Variants in MYO3A observed in about 807,000 individuals in gnomAD.
The protein encoded by MYO3A is myosin-IIIa.
Under a neutral mutation model 192.7 loss-of-function variants are expected in MYO3A, and 180 were observed. The observed-to-expected ratio is 0.93, with a 90% CI of 0.83 to 1.06. MYO3A has a LOEUF of 1.06. Among genes scored for constraint, MYO3A ranks in the 50% least tolerant of loss-of-function variants. The pLI is 0.00. For synonymous variants in MYO3A, 628 were observed against 645.3 expected, an observed-to-expected ratio of 0.97 and a Z score of 0.41; for missense variants, 1,896 against 1,905.0, an observed-to-expected ratio of 1.00 and a Z score of 0.09.
At chr10:26,157,917 G>A (rs541963130) in intron 26 of MYO3A, among the ~76,000 whole-genome samples, 35 of 152,242 alleles carry the variant, frequency 2.3e-4, no homozygotes, top group African/African-American at 7.7e-4. Context: ...GTGTAGGGGC[G>A]TGGGGGGATG....
chr10:26,200,771 G>T (rs1843642969), intron 32 of MYO3A: 1 of 152,178 alleles, frequency 6.6e-6, no homozygotes, highest in Admixed American at 6.5e-5. Flanking sequence ...TCATAAATGG[G>T]CTCCTATAGG....
rs1216311921 is a variant in MYO3A, at chr10:25,986,613, C to T, written c.304-9877C>T. ...AACTCAAACTCTTTCACAACAGCTG[C>T]AAAAATAAATAAATAAACTATTTAG... On this transcript the variant is annotated intron_variant, in intron 4 of 34. Transcript: ENST00000642920. Among the ~76,000 whole-genome samples the T allele has an allele frequency of 2.6e-5, 4 of 152,014 alleles. No individual in the cohort carries two copies. In the East Asian group the frequency reaches 7.7e-4, roughly 29 times the overall value.
chr10:26,153,845 C>T lies in MYO3A; in HGVS notation c.2636-5C>T. The T allele has an allele frequency of 2.0e-6, 3 of 1,533,976 alleles. No homozygotes were observed. In the South Asian group the frequency reaches 3.4e-5, roughly 17 times the overall value. On this transcript the variant is annotated splice_region_variant and splice_polypyrimidine_tract_variant and intron_variant, in intron 23 of 34. Coordinates refer to ENST00000642920, the MANE Select transcript of MYO3A (RefSeq NM_017433.5). ...GGTATATTACATTTTTCTACATTCT[C>T]ATAGGTAATCTGCCACATTCTAAAA...
intron 6 of MYO3A, among the ~76,000 whole-genome samples, chr10:25,999,340 G>A (rs1190773957): frequency 2.6e-5 from 4 of 152,114 alleles, no homozygotes; most frequent in Non-Finnish European, 5.9e-5. Context: ...CCTAGTATCT[G>A]ACACCAAAAT....
chr10:26,208,025 G>T (rs920900694), intron 34 of MYO3A, among the ~76,000 whole-genome samples: 5 of 151,754 alleles, frequency 3.3e-5, no homozygotes, highest in Admixed American at 6.6e-5. Context: ...ATTTTTTGTA[G>T]CTACTGTAAG....
intron 9 of MYO3A, among the ~76,000 whole-genome samples, chr10:26,026,011 T>C (rs1157207474): frequency 6.6e-6 from 1 of 152,246 alleles, no homozygotes; most frequent in Admixed American, 6.5e-5. Context: ...ATTAGAACTA[T>C]AATGACTTCA....
At chr10:26,093,197 TAC>T (rs908166071) in intron 15 of MYO3A, among the ~76,000 whole-genome samples, 5 of 152,192 alleles carry the variant, frequency 3.3e-5, no homozygotes, top group African/African-American at 9.6e-5. Flanking sequence ...AACAATGTAG[TAC>T]AGTGTTAACA....
At chr10:26,099,351 T>C (rs1169739012) in intron 17 of MYO3A, among the ~76,000 whole-genome samples, 1 of 152,242 alleles carries the variant, frequency 6.6e-6, no homozygotes, top group Non-Finnish European at 1.5e-5. Flanking sequence ...TCATGTCATC[T>C]GCAAACAGAG....
chr10:26,130,045 C>CCAAG (rs1839442520), intron 20 of MYO3A, among the ~76,000 whole-genome samples: 3 of 151,834 alleles, frequency 2.0e-5, no homozygotes, highest in Admixed American at 6.6e-5. Flanking sequence ...TTAGCCTTAA[C>CCAAG]CAAGGTACAG....
chr10:26,038,164 A>G (rs1002270767), intron 10 of MYO3A, among the ~76,000 whole-genome samples: 2 of 152,140 alleles, frequency 1.3e-5, no homozygotes, highest in Non-Finnish European at 2.9e-5. Context: ...TTTTTTGCTT[A>G]TGATGGCTTT....
chr10:26,193,407 G>T (rs953757111), intron 32 of MYO3A, 96 bp downstream of exon 32: 47 of 1,018,340 alleles, frequency 4.6e-5, no homozygotes, highest in African/African-American at 2.6e-4. Flanking sequence ...ACAAAGGAAG[G>T]CCTGGCAGGA....
intron 4 of MYO3A, among the ~76,000 whole-genome samples, chr10:25,985,985 G>A (rs1839628544): frequency 6.6e-6 from 1 of 152,256 alleles, no homozygotes; most frequent in Middle Eastern, 3.4e-3. Context: ...GAATCCAACA[G>A]CATATCAAAA....
intron 17 of MYO3A, among the ~76,000 whole-genome samples, chr10:26,098,402 G>A (rs1837198494): frequency 6.6e-6 from 1 of 152,162 alleles, no homozygotes; most frequent in Non-Finnish European, 1.5e-5. Flanking sequence ...CTGTGCAGAA[G>A]CTCTTTAGTT....
Position 26,186,468 on chromosome 10 carries a change from G to A in MYO3A, c.4439-6737G>A, listed in dbSNP as rs547550845. On this transcript the variant is annotated intron_variant, in intron 31 of 34. Transcript: ENST00000642920. ...TTTTTAGTAGAGATGGTGTTTCACC[G>A]TGTTAGCCAGGATGGTCTCGATCTC... 1.2e-4 allele frequency among the ~76,000 whole-genome samples: 18 copies of A among 152,082 alleles called. No homozygotes were observed. In the South Asian group the frequency reaches 2.1e-3, roughly 18 times the overall value.
Position 26,166,087 on chromosome 10 carries a change from A to G in MYO3A, c.3020A>G (p.Lys1007Arg). ...CCAAGGTACTACCTTCTCTGCTACA[A>G]GTCGAGCGAGGAGCCCCGCATGAGC... The part of the protein sequence containing the change: ...FIKRYYLLCY[K>R]SSEEPRMSPD... Residue 1007 changes from lysine to arginine, a missense_variant, in exon 27 of 35, where the codon AAG becomes AGG. Coordinates refer to ENST00000642920, the MANE Select transcript of MYO3A (RefSeq NM_017433.5). 2 of 1,614,168 alleles carry G rather than the reference A, an allele frequency of 1.2e-6. No homozygotes were observed. The highest frequency in any genetic ancestry group is 1.7e-6 in the Non-Finnish European group (2 of 1,180,034).
intron 20 of MYO3A, among the ~76,000 whole-genome samples, chr10:26,133,253 A>G (rs1397858007): frequency 6.6e-6 from 1 of 152,240 alleles, no homozygotes; most frequent in Non-Finnish European, 1.5e-5. Context: ...AGCCCTTAAT[A>G]CAACAAATCT....
chr10:26,022,916 T>C (rs1351785778), intron 8 of MYO3A: 1 of 152,162 alleles, frequency 6.6e-6, no homozygotes, highest in East Asian at 1.9e-4. Flanking sequence ...CTACCAGCAG[T>C]GGAATTCCAA....
intron 9 of MYO3A, among the ~76,000 whole-genome samples, chr10:26,025,375 C>T (rs1198505297): frequency 4.0e-5 from 6 of 151,350 alleles, no homozygotes; most frequent in Non-Finnish European, 8.8e-5. Flanking sequence ...TTCTCATAAT[C>T]GTAGACTCTG....
chr10:26,080,092 T>A (rs903911132), intron 14 of MYO3A, among the ~76,000 whole-genome samples: 5 of 152,214 alleles, frequency 3.3e-5, no homozygotes, highest in Admixed American at 6.5e-5. Context: ...CAGGGAAATT[T>A]TCCTTGATTA....
Sources: allele counts gnomAD v4.1 joint callset (sites outside exome capture counted in the v4.1 genomes callset), GRCh38; gene constraint gnomAD v4.1.1; transcripts MANE v1.5; gene names NCBI Gene and HGNC (gene_info 2026-07-23, HGNC 2026-07-21).